The following AGAP1 variants were observed in gnomAD, a reference collection of about 807,000 sequenced individuals.
The protein encoded by AGAP1 is ArfGAP with GTPase domain, ankyrin repeat and PH domain 1, also known as arf-GAP with GTPase, ANK repeat and PH domain-containing protein 1.
Under a neutral mutation model 105.3 loss-of-function variants are expected in AGAP1, and 29 were observed. The ratio of observed to expected loss-of-function variants is 0.28; its 90% CI spans 0.21 to 0.38. The LOEUF is 0.38. Among genes scored for constraint, AGAP1 ranks in the 10% least tolerant of loss-of-function variants. The pLI is 1.00. For synonymous variants in AGAP1, 509 were observed against 485.9 expected, an observed-to-expected ratio of 1.05 and a Z score of -0.63; for missense variants, 998 against 1,165.1, an observed-to-expected ratio of 0.86 and a Z score of 2.09.
At chr2:235,921,739 AGAT>A (rs1035823338) in intron 11 of AGAP1, among the ~76,000 whole-genome samples, 1 of 152,246 alleles carries the variant, frequency 6.6e-6, no homozygotes, top group Non-Finnish European at 1.5e-5. Context: ...TCTTCCTAGT[AGAT>A]ATGTTGAATT....
chr2:235,536,577 G>GCA (rs1189240146), intron 1 of AGAP1, among the ~76,000 whole-genome samples: 14 of 110,976 alleles, frequency 1.3e-4, no homozygotes, highest in African/African-American at 5.0e-4. Flanking sequence ...GTGGCATCCT[G>GCA]CACACACACA....
At position 235,963,280 on chromosome 2, in the gene AGAP1, G is replaced by A. The variant is rs2054262581; in HGVS notation, c.1484-5182G>A. Among the ~76,000 whole-genome samples the A allele has an allele frequency of 6.6e-6, 1 of 152,186 alleles. No homozygotes were observed. The highest frequency in any genetic ancestry group is 2.4e-5 in the African/African-American group (1 of 41,440). ...AAAAGTTTTCTACAGCTAAAAGTGG[G>A]AAGGGGCCTAGAAACAGACGTGCCA... is the stretch of plus-strand genomic sequence containing the variant. On this transcript the variant is annotated intron_variant, in intron 12 of 17. Transcript: ENST00000304032. This position sits in a 1 kb window ranked among gnomAD's most constrained non-coding sequence, Gnocchi z 5.1.
chr2:235,504,140 C>G (rs1395826158), intron 1 of AGAP1, among the ~76,000 whole-genome samples: 1 of 151,872 alleles, frequency 6.6e-6, no homozygotes, highest in Admixed American at 6.6e-5. Flanking sequence ...CCACGCCCAG[C>G]CTCGAACTCT....
chr2:235,839,520 C>T (rs1014068750), intron 9 of AGAP1, among the ~76,000 whole-genome samples: 1 of 144,448 alleles, frequency 6.9e-6, no homozygotes, highest in Non-Finnish European at 1.5e-5. Context: ...GCCAGGAGCT[C>T]AAGGCTGCAG....
rs187018865 is a variant in AGAP1, at chr2:235,909,352, T to C, written c.1324+446T>C. The stretch of plus-strand genomic sequence containing the variant: ...AAATTCTGTGTTGTTATATTTTAAT[T>C]ATCTGCCATTCTTTAATGCAACTTT... On this transcript the variant is annotated intron_variant, in intron 11 of 17. Transcript: ENST00000304032. 1.6e-4 allele frequency among the ~76,000 whole-genome samples: 25 copies of C among 152,364 alleles called. No homozygotes were observed. In the East Asian group the frequency reaches 4.6e-3, roughly 28 times the overall value.
intron 1 of AGAP1, among the ~76,000 whole-genome samples, chr2:235,627,206 T>G (rs962832905): frequency 2.7e-5 from 4 of 147,326 alleles, no homozygotes; most frequent in Admixed American, 6.8e-5. Context: ...TTTTTTTTTT[T>G]TTTTTTTTTT....
chr2:235,526,618 AAAC>A (rs1942848758), intron 1 of AGAP1, among the ~76,000 whole-genome samples: 1 of 152,174 alleles, frequency 6.6e-6, no homozygotes, highest in Admixed American at 6.5e-5. Flanking sequence ...AGAAGTAAAA[AAAC>A]CTTAAAAATT....
intron 1 of AGAP1, among the ~76,000 whole-genome samples, chr2:235,591,138 C>T (rs1945326385): frequency 6.6e-6 from 1 of 152,100 alleles, no homozygotes; most frequent in Admixed American, 6.6e-5. Context: ...GCCTCAGCCT[C>T]CCGAGTAGCT....
chr2:235,956,297 C>G (rs558116920), intron 12 of AGAP1, among the ~76,000 whole-genome samples: 1 of 152,202 alleles, frequency 6.6e-6, no homozygotes, highest in South Asian at 2.1e-4. Flanking sequence ...AAACTTTGTG[C>G]TGCTTGCATT....
At chr2:235,909,598 T>C (rs929525938) in intron 11 of AGAP1, among the ~76,000 whole-genome samples, 5 of 152,244 alleles carry the variant, frequency 3.3e-5, no homozygotes, top group Non-Finnish European at 5.9e-5. Flanking sequence ...AAGATCCTCT[T>C]GAGCCCTCCC....
At chr2:235,768,036 C>T (rs935446838) in intron 6 of AGAP1, among the ~76,000 whole-genome samples, 1 of 152,164 alleles carries the variant, frequency 6.6e-6, no homozygotes, top group Non-Finnish European at 1.5e-5. Flanking sequence ...TTCCACTCGC[C>T]TCTGCCTCCC....
At chr2:235,846,872 C>G (rs1961558075) in intron 9 of AGAP1, among the ~76,000 whole-genome samples, 1 of 152,214 alleles carries the variant, frequency 6.6e-6, no homozygotes, top group African/African-American at 2.4e-5. Context: ...AAGCAGTCCT[C>G]CTGCCTTGGC....
intron 1 of AGAP1, among the ~76,000 whole-genome samples, chr2:235,523,777 G>T (rs1428057489): frequency 6.6e-6 from 1 of 152,158 alleles, no homozygotes; most frequent in East Asian, 1.9e-4. Context: ...CCTGGCCAGG[G>T]TGTGGGATTG....
chr2:235,746,753 G>A (rs1429369722), intron 5 of AGAP1, among the ~76,000 whole-genome samples: 1 of 152,104 alleles, frequency 6.6e-6, no homozygotes, highest in Non-Finnish European at 1.5e-5. Context: ...GGGGCTGTGT[G>A]TGCAGACACC....
Position 236,012,315 on chromosome 2 carries a change from C to T in AGAP1, c.1646-24246C>T, listed in dbSNP as rs2056542158. Among the ~76,000 whole-genome samples, 1 of 151,822 alleles carries T rather than the reference C, an allele frequency of 6.6e-6. No homozygotes were observed. Among genetic ancestry groups the T allele is most frequent in the Admixed American group, 6.6e-5 (1 of 15,254 alleles). ...GAGGGGTGCCCAGCCTCCATTCTGC[C>T]TATTTATATGTAAATATTGCTGCAA... On this transcript the variant is annotated intron_variant, in intron 13 of 17. Coordinates refer to ENST00000304032, the MANE Select transcript of AGAP1 (RefSeq NM_001037131.3). This position sits in a 1 kb window ranked among gnomAD's most constrained non-coding sequence, Gnocchi z 4.9.
At chr2:236,111,632 A>C (rs535083637) in intron 16 of AGAP1, among the ~76,000 whole-genome samples, 1 of 152,182 alleles carries the variant, frequency 6.6e-6, no homozygotes, top group South Asian at 2.1e-4. Context: ...CTCTACAAAA[A>C]GTACAAAAAA....
rs1946554472 is a variant in AGAP1, at chr2:235,623,668, T to G, written c.164-85511T>G. ...GGTCTGTGATGCAGTTGCCATATAT[T>G]TTTTGACTTTTGGATCTTCACTCCT... On this transcript the variant is annotated intron_variant, in intron 1 of 17. Transcript: ENST00000304032. The surrounding 1 kb of genome is among the most constrained non-coding windows in gnomAD (Gnocchi z 4.5). Among the ~76,000 whole-genome samples, 2 of 152,168 alleles carry G rather than the reference T, an allele frequency of 1.3e-5. No homozygotes were observed. Among genetic ancestry groups the G allele is most frequent in the Admixed American group, 6.5e-5 (1 of 15,272 alleles).
chr2:235,631,815 G>A lies in AGAP1; in HGVS notation c.164-77364G>A, dbSNP rs1251443743. ...TTGTGACGGTCTCCTCGGCTGGGTG[G>A]CCCTTCCTGCTGTCAGGTGTGGCCA... is the stretch of plus-strand genomic sequence containing the variant. On this transcript the variant is annotated intron_variant, in intron 1 of 17. Transcript: ENST00000304032. The surrounding 1 kb of genome is among the most constrained non-coding windows in gnomAD (Gnocchi z 5.4). 1.3e-5 allele frequency among the ~76,000 whole-genome samples: 2 copies of A among 152,224 alleles called. No individual in the cohort carries two copies. Among genetic ancestry groups the A allele is most frequent in the East Asian group, 3.9e-4 (2 of 5,192 alleles).
In AGAP1 at chr2:235,891,957, T is replaced by C. The variant is rs11893818; in HGVS notation, c.1155+8508T>C. 0.41 allele frequency among the ~76,000 whole-genome samples: 62,801 copies of C among 151,924 alleles called. 13,311 individuals carry two copies. The highest frequency in any genetic ancestry group is 0.73 in the South Asian group (3,522 of 4,806). On this transcript the variant is annotated intron_variant, in intron 10 of 17. Coordinates refer to ENST00000304032, the MANE Select transcript of AGAP1 (RefSeq NM_001037131.3). This position sits in a 1 kb window ranked among gnomAD's most constrained non-coding sequence, Gnocchi z 4.2. Reference sequence around the variant, plus strand: ...TCACCTGAGGTCAGGAGTTCAAGACTAGCCTGGCCAATATGGTGAAACCCC... The same window carrying C: ...TCACCTGAGGTCAGGAGTTCAAGACCAGCCTGGCCAATATGGTGAAACCCC...
Sources: gnomAD v4.1 joint callset for allele counts (sites outside exome capture counted in the v4.1 genomes callset) on GRCh38, gnomAD v4.1.1 for gene constraint, Gnocchi (gnomAD v3.1) non-coding constraint, MANE v1.5 for transcripts, NCBI Gene and HGNC (gene_info 2026-07-23, HGNC 2026-07-21) for gene names.